The following YWHAE variants were observed in gnomAD, a reference collection of about 807,000 sequenced individuals.
YWHAE encodes the protein tyrosine 3-monooxygenase/tryptophan 5-monooxygenase activation protein epsilon.
A neutral mutation model predicts 30.1 loss-of-function variants in YWHAE; 4 were observed. The ratio of observed to expected loss-of-function variants is 0.13; its 90% CI spans 0.07 to 0.30. The LOEUF is 0.30. Among genes scored for constraint, YWHAE ranks in the 10% least tolerant of loss-of-function variants. The pLI is 1.00. For missense variants in YWHAE, 121 were observed against 315.9 expected, an observed-to-expected ratio of 0.38 and a Z score of 4.68; for synonymous variants, 118 against 111.8, an observed-to-expected ratio of 1.06 and a Z score of -0.35.
intron 1 of YWHAE, among the ~76,000 whole-genome samples, chr17:1,379,443 C>T (rs2073172420): frequency 1.3e-5 from 2 of 152,150 alleles, no homozygotes; most frequent in South Asian, 4.1e-4. Flanking sequence ...TGTGATCACG[C>T]CACTGCACTC....
At chr17:1,390,997 C>A (rs2073381566) in intron 1 of YWHAE, among the ~76,000 whole-genome samples, 1 of 152,140 alleles carries the variant, frequency 6.6e-6, no homozygotes. Context: ...GTATGAAAGA[C>A]ACTTGTAAAA....
At chr17:1,373,657 G>C (rs917945656) in intron 1 of YWHAE, among the ~76,000 whole-genome samples, 3 of 149,768 alleles carry the variant, frequency 2.0e-5, no homozygotes, top group African/African-American at 7.4e-5. Flanking sequence ...GACAGAGTGA[G>C]ACTTCATCTC....
At chr17:1,394,691 G>A (rs909377427) in intron 1 of YWHAE, among the ~76,000 whole-genome samples, 3 of 151,964 alleles carry the variant, frequency 2.0e-5, no homozygotes, top group African/African-American at 7.3e-5. Flanking sequence ...TTTAGGCCAG[G>A]TACAGTGGCT....
chr17:1,345,137 A>C lies in YWHAE; in HGVS notation c.*310T>G. 2.4e-6 allele frequency: 1 copy of C among 414,124 alleles called. No homozygotes were observed. The highest frequency in any genetic ancestry group is 4.3e-6 in the Non-Finnish European group (1 of 231,964). 25.7% of individuals were successfully genotyped at this position (414,124 alleles called of 1,614,324 possible). A position where few individuals can be genotyped will look rare whatever the true frequency, so the allele number is the denominator to read the frequency against. On this transcript the variant is annotated 3_prime_UTR_variant, in exon 6 of 6. Transcript: ENST00000264335. ...TTTCAAATGTAATTTCCATTTGCTA[A>C]TGGTGATCTTGCCACATCTGGCACG...
intron 1 of YWHAE, among the ~76,000 whole-genome samples, chr17:1,370,716 C>T (rs1305961980): frequency 6.6e-6 from 1 of 152,068 alleles, no homozygotes; most frequent in African/African-American, 2.4e-5. Context: ...ACATTGCAGG[C>T]TGGGAGCGGT....
At chr17:1,368,050 A>C (rs1032608629) in intron 1 of YWHAE, among the ~76,000 whole-genome samples, 10 of 152,024 alleles carry the variant, frequency 6.6e-5, no homozygotes, top group African/African-American at 2.4e-4. Flanking sequence ...CAGGAGTTCA[A>C]GACCAGCCTG....
chr17:1,392,181 T>C (rs754043150), intron 1 of YWHAE, among the ~76,000 whole-genome samples: 39 of 151,754 alleles, frequency 2.6e-4, no homozygotes, highest in Non-Finnish European at 3.5e-4. Context: ...TGAGATCTTG[T>C]CTCGGGAAAA....
At position 1,367,727 on chromosome 17, in the gene YWHAE, A is replaced by G. The variant is rs77343863; in HGVS notation, c.65-2669T>C. On this transcript the variant is annotated intron_variant, in intron 1 of 5. Coordinates refer to ENST00000264335, the MANE Select transcript of YWHAE (RefSeq NM_006761.5). ...AAGCAACAATATGGAAGAATCTGAAAAACATCATATTAAGTGAAAAGAGTC... is the reference window on the plus strand; with the variant it reads ...AAGCAACAATATGGAAGAATCTGAAGAACATCATATTAAGTGAAAAGAGTC... Among the ~76,000 whole-genome samples the G allele has an allele frequency of 7.9e-3, 1,198 of 152,256 alleles. 21 individuals are homozygous for G. Among genetic ancestry groups the G allele is most frequent in the South Asian group, 0.073 (351 of 4,828 alleles).
chr17:1,394,821 G>A (rs2073443806), intron 1 of YWHAE, among the ~76,000 whole-genome samples: 1 of 150,716 alleles, frequency 6.6e-6, no homozygotes, highest in Admixed American at 6.6e-5. Flanking sequence ...ACAAAAATTA[G>A]CCAGGTGCGA....
At chr17:1,365,627 G>A (rs1466512048) in intron 1 of YWHAE, among the ~76,000 whole-genome samples, 2 of 152,136 alleles carry the variant, frequency 1.3e-5, no homozygotes, top group Non-Finnish European at 2.9e-5. Context: ...AGCAAAGAAA[G>A]GGGCCCAGAA....
intron 3 of YWHAE, chr17:1,361,598 G>A (rs2072865908): frequency 1.2e-5 from 5 of 423,510 alleles, no homozygotes; most frequent in Admixed American, 4.0e-5. Context: ...GTGGTTCCAA[G>A]GAATGGCATG....
chr17:1,370,322 G>T (rs151325371), intron 1 of YWHAE, among the ~76,000 whole-genome samples: 29 of 151,232 alleles, frequency 1.9e-4, no homozygotes, highest in South Asian at 1.9e-3. Context: ...TAGTAGAGGC[G>T]GGGTTTCACC....
At chr17:1,386,658 T>C (rs2073304104) in intron 1 of YWHAE, among the ~76,000 whole-genome samples, 2 of 152,176 alleles carry the variant, frequency 1.3e-5, no homozygotes, top group African/African-American at 4.8e-5. Flanking sequence ...ACTCTAAAAG[T>C]AACTACATGA....
At chr17:1,384,509 G>C (rs2073269999) in intron 1 of YWHAE, among the ~76,000 whole-genome samples, 1 of 144,342 alleles carries the variant, frequency 6.9e-6, no homozygotes, top group African/African-American at 2.6e-5. Flanking sequence ...GGCTAACACG[G>C]TGAAACCCTG....
At chr17:1,389,208 T>C (rs1280898171) in intron 1 of YWHAE, among the ~76,000 whole-genome samples, 1 of 152,178 alleles carries the variant, frequency 6.6e-6, no homozygotes, top group Non-Finnish European at 1.5e-5. Context: ...TTAAGGGATC[T>C]TCCCGCCTCT....
chr17:1,353,437 CA>C (rs554293231), intron 5 of YWHAE, among the ~76,000 whole-genome samples: 17 of 87,862 alleles, frequency 1.9e-4, no homozygotes, highest in Admixed American at 2.6e-4. Context: ...GACTCCATCT[CA>C]AAAAAAAAAA....
intron 1 of YWHAE, among the ~76,000 whole-genome samples, chr17:1,397,421 C>G (rs938805584): frequency 1.3e-5 from 2 of 152,180 alleles, no homozygotes; most frequent in African/African-American, 4.8e-5. Context: ...TTCCTGAACA[C>G]AGGTTAGCTC....
intron 1 of YWHAE, among the ~76,000 whole-genome samples, chr17:1,392,886 CCTAACAA>C (rs1292395952): frequency 1.3e-5 from 2 of 151,020 alleles, no homozygotes; most frequent in African/African-American, 4.9e-5. Flanking sequence ...ACATCACTAA[CCTAACAA>C]CTTAATAGCA....
chr17:1,353,392 C>T (rs1376467010), intron 5 of YWHAE, among the ~76,000 whole-genome samples: 1 of 145,614 alleles, frequency 6.9e-6, no homozygotes, highest in East Asian at 2.0e-4. Context: ...GAGCCAAGAT[C>T]GCGCCACTGC....
Sources: allele counts gnomAD v4.1 joint callset (sites outside exome capture counted in the v4.1 genomes callset), GRCh38; gene constraint gnomAD v4.1.1; transcripts MANE v1.5; gene names NCBI Gene and HGNC (gene_info 2026-07-23, HGNC 2026-07-21).